DENND2C: variants seen among roughly 807,000 people sequenced by gnomAD.
The protein encoded by DENND2C is DENN domain-containing protein 2C.
A neutral mutation model predicts 112.4 loss-of-function variants in DENND2C; 72 were observed. The ratio of observed to expected loss-of-function variants is 0.64; its 90% CI spans 0.53 to 0.78. The LOEUF (loss-of-function observed/expected upper bound fraction) is 0.78, where lower values mean the gene tolerates loss of function less well. Among genes scored for constraint, DENND2C ranks in the 30% least tolerant of loss-of-function variants. DENND2C has a pLI of 0.00. For missense variants in DENND2C, 992 were observed against 1,113.8 expected, an observed-to-expected ratio of 0.89 and a Z score of 1.56; for synonymous variants, 329 against 381.6, an observed-to-expected ratio of 0.86 and a Z score of 1.61.
intron 3 of DENND2C, among the ~76,000 whole-genome samples, chr1:114,643,326 T>C (rs796710951): frequency 5.3e-5 from 8 of 152,340 alleles, no homozygotes; most frequent in African/African-American, 1.9e-4. Flanking sequence ...GTTTTTCAAA[T>C]TTCTATTACA....
chr1:114,589,725 T>A (rs888785626), intron 18 of DENND2C, among the ~76,000 whole-genome samples: 1 of 152,122 alleles, frequency 6.6e-6, no homozygotes, highest in African/African-American at 2.4e-5. Flanking sequence ...TTTTAAAAAT[T>A]ATGTTTTTCT....
chr1:114,662,960 G>A (rs1266238157), intron 1 of DENND2C, among the ~76,000 whole-genome samples: 1 of 151,148 alleles, frequency 6.6e-6, no homozygotes, highest in African/African-American at 2.4e-5. Flanking sequence ...ACCAAGAAAA[G>A]AAAAGGAAAA....
chr1:114,656,071 T>C (rs1657311307), intron 1 of DENND2C, among the ~76,000 whole-genome samples: 1 of 151,898 alleles, frequency 6.6e-6, no homozygotes, highest in South Asian at 2.1e-4. Context: ...AAACAATTTT[T>C]TTCTTTTTTT....
At chr1:114,661,075 T>C (rs1364178591) in intron 1 of DENND2C, among the ~76,000 whole-genome samples, 2 of 141,954 alleles carry the variant, frequency 1.4e-5, no homozygotes, top group East Asian at 4.1e-4. Flanking sequence ...TGTGCCACTG[T>C]GCACCTGGGC....
chr1:114,648,727 G>T (rs1386795077), intron 2 of DENND2C, among the ~76,000 whole-genome samples: 1 of 152,078 alleles, frequency 6.6e-6, no homozygotes, highest in Non-Finnish European at 1.5e-5. Flanking sequence ...ACTGGTATCT[G>T]ACTCCCACCT....
intron 3 of DENND2C, among the ~76,000 whole-genome samples, chr1:114,641,865 T>C (rs1656845347): frequency 6.6e-6 from 1 of 152,180 alleles, no homozygotes; most frequent in Non-Finnish European, 1.5e-5. Context: ...ACAAAACTTG[T>C]GTTTTTATGA....
chr1:114,637,047 C>A (rs1292469811), intron 3 of DENND2C, among the ~76,000 whole-genome samples: 4 of 151,576 alleles, frequency 2.6e-5, no homozygotes, highest in Admixed American at 2.6e-4. Context: ...GAGTTCGAGA[C>A]CAGCCTGGGC....
chr1:114,627,851 C>CT (rs997616075), intron 3 of DENND2C, among the ~76,000 whole-genome samples: 1 of 151,912 alleles, frequency 6.6e-6, no homozygotes, highest in African/African-American at 2.4e-5. Context: ...CAAGACAGGA[C>CT]TTTTTTCTCC....
In DENND2C at chr1:114,587,932, C is replaced by T; in HGVS notation, c.2452G>A (p.Val818Met). Residue 818 changes from valine (V) to methionine (M), a missense_variant, in exon 19 of 21, where the codon GTG becomes ATG. Val to Met is a conservative substitution (Grantham distance 21). Coordinates refer to ENST00000393274, the MANE Select transcript of DENND2C (RefSeq NM_001256404.2). ...FSQDVTLNSL[V>M]SEAFVRFFVE... is the part of the protein sequence containing the mutation. ...AAAAACCTGACAAATGCTTCGGACA[C>T]CAGAGAGTTGAGTGTCACATCTGCT... 1.9e-6 allele frequency: 3 copies of T among 1,613,946 alleles called. No homozygotes were observed. The highest frequency in any genetic ancestry group is 2.5e-6 in the Non-Finnish European group (3 of 1,179,994).
chr1:114,656,420 C>A (rs1657330390), intron 1 of DENND2C, among the ~76,000 whole-genome samples: 1 of 134,262 alleles, frequency 7.4e-6, no homozygotes, highest in African/African-American at 2.9e-5. Context: ...TTTTTTGAGA[C>A]AGAGTCTTGC....
chr1:114,664,316 T>C (rs1327853185), intron 1 of DENND2C, among the ~76,000 whole-genome samples: 1 of 152,030 alleles, frequency 6.6e-6, no homozygotes, highest in African/African-American at 2.4e-5. Context: ...GAAGCTTTGA[T>C]TGATTGTGAA....
chr1:114,610,560 C>T lies in DENND2C; in HGVS notation c.1369+513G>A, dbSNP rs149269846. Among the ~76,000 whole-genome samples the T allele has an allele frequency of 6.4e-3, 981 of 152,130 alleles. 13 individuals carry two copies. Among genetic ancestry groups the T allele is most frequent in the African/African-American group, 0.022 (924 of 41,506 alleles). ...ACTAAAAATACAAAAATTAGCTTGG[C>T]GTGGTGGCACATGCCTATAATCCCA... On this transcript the variant is annotated intron_variant, in intron 9 of 20. Coordinates refer to ENST00000393274, the MANE Select transcript of DENND2C (RefSeq NM_001256404.2).
In DENND2C at chr1:114,604,905, T is replaced by G. The variant is rs375940676; in HGVS notation, c.1667+17A>C. The G allele has an allele frequency of 6.4e-7, 1 of 1,559,482 alleles. No individual in the cohort carries two copies. Among genetic ancestry groups the G allele is most frequent in the African/African-American group, 1.4e-5 (1 of 73,878 alleles). The stretch of plus-strand genomic sequence containing the variant: ...GCAGGTCTAATGAATAGAAATCAGA[T>G]AAATTAGCCCATTTACCTCTTGAGT... On this transcript the variant is annotated intron_variant, in intron 11 of 20. Coordinates refer to ENST00000393274, the MANE Select transcript of DENND2C (RefSeq NM_001256404.2).
intron 2 of DENND2C, among the ~76,000 whole-genome samples, chr1:114,651,747 G>T (rs1204277657): frequency 1.3e-5 from 2 of 152,096 alleles, no homozygotes; most frequent in African/African-American, 4.8e-5. Flanking sequence ...AAAAAAGAAA[G>T]AAAAAGGAAA....
At position 114,618,461 on chromosome 1, in the gene DENND2C, T is replaced by C. The variant is rs758382534; in HGVS notation, c.1249A>G (p.Ile417Val). 4 of 1,587,340 alleles carry C rather than the reference T, an allele frequency of 2.5e-6. No individual in the cohort carries two copies. The highest frequency in any genetic ancestry group is 3.4e-6 in the Non-Finnish European group (4 of 1,169,312). ...LPRLVLKIDDIFESKRGKKKV... is the reference protein window; with the variant it reads ...LPRLVLKIDDVFESKRGKKKV... ...TTCTTCCCTCTTTTAGATTCAAATA[T>C]GTCATCTATTTTCAATACAAGCTGA... Residue 417 changes from isoleucine (I) to valine (V), a missense_variant, in exon 8 of 21, where the codon ATA becomes GTA. Coordinates refer to ENST00000393274, the MANE Select transcript of DENND2C (RefSeq NM_001256404.2).
intron 16 of DENND2C, 110 bp downstream of exon 16, chr1:114,599,164 T>C (rs1386522977): frequency 1.4e-6 from 1 of 732,370 alleles, no homozygotes; most frequent in Non-Finnish European, 2.0e-6. Context: ...AGAAATATTA[T>C]AAATAGCATA....
chr1:114,611,179 G>A lies in DENND2C; in HGVS notation c.1325-62C>T, dbSNP rs185493499. On this transcript the variant is annotated intron_variant, in intron 8 of 20. Transcript: ENST00000393274. The stretch of plus-strand genomic sequence containing the variant: ...AACAGTAGGAAGTACATGAGGATGA[G>A]AACAATGTAAACCCACAAACCTGGG... The A allele has an allele frequency of 1.2e-3, 1,861 of 1,591,394 alleles. 1 individual carries two copies. Among genetic ancestry groups the A allele is most frequent in the Non-Finnish European group, 1.5e-3 (1,725 of 1,160,504 alleles).
chr1:114,648,952 A>G (rs1024208989), intron 2 of DENND2C, among the ~76,000 whole-genome samples: 16 of 152,002 alleles, frequency 1.1e-4, no homozygotes, highest in Admixed American at 9.8e-4. Context: ...CTTTTCACAT[A>G]ATTATCCTTT....
intron 1 of DENND2C, among the ~76,000 whole-genome samples, chr1:114,662,402 C>T (rs966840974): frequency 2.6e-5 from 4 of 151,884 alleles, no homozygotes; most frequent in South Asian, 2.1e-4. Context: ...AACATCCAAA[C>T]AAAAAATCCG....
Sources: gnomAD v4.1 joint callset for allele counts (sites outside exome capture counted in the v4.1 genomes callset) on GRCh38, gnomAD v4.1.1 for gene constraint, MANE v1.5 for transcripts, NCBI Gene and HGNC (gene_info 2026-07-23, HGNC 2026-07-21) for gene names.